The following SMARCAL1 variants were observed in gnomAD, a reference collection of about 807,000 sequenced individuals.
The protein encoded by SMARCAL1 is SNF2 related chromatin remodeling annealing helicase 1.
In SMARCAL1, 58 loss-of-function variants were observed where a neutral mutation model predicts 94.5. That is an observed-to-expected ratio of 0.61 (90% confidence interval 0.50 to 0.76). The LOEUF (loss-of-function observed/expected upper bound fraction) is 0.76, where lower values mean the gene tolerates loss of function less well. Among genes scored for constraint, SMARCAL1 ranks in the 30% least tolerant of loss-of-function variants. The pLI, the probability that SMARCAL1 is intolerant of heterozygous loss-of-function variation, is 0.00. For missense variants in SMARCAL1, 1,051 were observed against 1,177.9 expected (o/e 0.89, Z 1.58); for synonymous variants, 422 against 455.1 (o/e 0.93, Z 0.93).
rs1694615839 is a variant in SMARCAL1 at position 216,458,270 on chromosome 2, T to A, written c.2071-6327T>A. On this transcript the variant is annotated intron_variant, in intron 12 of 17. Transcript: ENST00000357276. ...TACCAGAGGTACAAGGAGGAACTGGTACCATTCCTTCTGAAACTATTCCAA... is the reference window on the plus strand; with the variant it reads ...TACCAGAGGTACAAGGAGGAACTGGAACCATTCCTTCTGAAACTATTCCAA... Among the ~76,000 whole-genome samples the A allele has an allele frequency of 2.0e-5, 3 of 152,196 alleles. No individual in the cohort carries two copies. The South Asian group carries it at 6.2e-4, about 32-fold the overall frequency.
intron 14 of SMARCAL1, among the ~76,000 whole-genome samples, chr2:216,469,050 C>G (rs954527431): frequency 6.6e-6 from 1 of 151,784 alleles, no homozygotes; most frequent in Non-Finnish European, 1.5e-5. Flanking sequence ...TACTTAGGTC[C>G]CCTCAGTATT....
At chr2:216,454,242 TAG>T (rs1423233508) in intron 12 of SMARCAL1, among the ~76,000 whole-genome samples, 1 of 152,240 alleles carries the variant, frequency 6.6e-6, no homozygotes, top group Admixed American at 6.5e-5. Context: ...AGATCATTAA[TAG>T]AGAGTATTAG....
At chr2:216,416,068 A>G in intron 3 of SMARCAL1, 189 bp from the exon 4 acceptor site, 2 of 580,304 alleles carry the variant, frequency 3.4e-6, no homozygotes, top group South Asian at 3.5e-5. Flanking sequence ...GTTGGATTCC[A>G]CTACATGGAA....
At chr2:216,473,246 T>C (rs948733031) in intron 14 of SMARCAL1, among the ~76,000 whole-genome samples, 5 of 151,992 alleles carry the variant, frequency 3.3e-5, no homozygotes, top group Non-Finnish European at 7.4e-5. Context: ...TATATAAATA[T>C]GGAATATAAT....
intron 5 of SMARCAL1, among the ~76,000 whole-genome samples, chr2:216,420,760 C>G (rs1045381608): frequency 1.3e-5 from 2 of 152,122 alleles, no homozygotes; most frequent in Non-Finnish European, 2.9e-5. Context: ...CATAATATCC[C>G]CCTGGTCAAT....
chr2:216,448,516 C>T (rs1398514897), intron 11 of SMARCAL1, among the ~76,000 whole-genome samples: 1 of 152,196 alleles, frequency 6.6e-6, no homozygotes, highest in Non-Finnish European at 1.5e-5. Context: ...AAGGCATTAT[C>T]TTTGAATTCT....
At position 216,435,428 on chromosome 2, in the gene SMARCAL1, A is replaced by C; in HGVS notation, c.1576A>C (p.Ile526Leu). Residue 526 changes from isoleucine to leucine, a missense_variant, in exon 9 of 18, where the codon ATT (isoleucine) becomes CTT (leucine). Physicochemically the swap from Ile to Leu is conservative, Grantham distance 5. Transcript: ENST00000357276. ...KDRLTAGLIN[I>L]VSFDLLSKLE... ...CCGCCTGACAGCTGGCCTGATCAAC[A>C]TTGTCAGCTTTGACCTTCTTAGCAA... is the stretch of plus-strand genomic sequence containing the variant. The C allele has an allele frequency of 6.2e-7, 1 of 1,614,166 alleles. No homozygotes were observed. The highest frequency in any genetic ancestry group is 1.1e-5 in the South Asian group (1 of 91,078).
At chr2:216,480,291 G>A (rs1290214109) in intron 17 of SMARCAL1, among the ~76,000 whole-genome samples, 1 of 152,128 alleles carries the variant, frequency 6.6e-6, no homozygotes, top group Admixed American at 6.5e-5. Context: ...TCCAATATAG[G>A]AGACAAAAGC....
At chr2:216,448,940 G>A (rs534594573) in intron 11 of SMARCAL1, among the ~76,000 whole-genome samples, 2 of 152,330 alleles carry the variant, frequency 1.3e-5, no homozygotes, top group South Asian at 4.1e-4. Flanking sequence ...CATGCTATCT[G>A]TCTTAGTCTG....
chr2:216,463,414 C>A (rs61528336), intron 12 of SMARCAL1, among the ~76,000 whole-genome samples: 2 of 152,156 alleles, frequency 1.3e-5, no homozygotes, highest in East Asian at 3.9e-4. Flanking sequence ...TCAAAGAGGG[C>A]GGAAGGAACA....
intron 11 of SMARCAL1, among the ~76,000 whole-genome samples, chr2:216,450,355 T>C (rs1296960448): frequency 6.6e-6 from 1 of 152,236 alleles, no homozygotes; most frequent in East Asian, 1.9e-4. Context: ...TTGTACTTGT[T>C]TGTGCTGGTG....
chr2:216,435,476 C>G lies in SMARCAL1; in HGVS notation c.1624C>G (p.Pro542Ala). The G allele has an allele frequency of 6.2e-7, 1 of 1,614,088 alleles. No homozygotes were observed. Among genetic ancestry groups the G allele is most frequent in the Non-Finnish European group, 8.5e-7 (1 of 1,179,978 alleles). ...CAAGTTGGAAAAACAGCTAAAAACC[C>G]CTTTTAAAGTTGTCATCATTGTAAG... The part of the protein sequence containing the change: ...LSKLEKQLKT[P>A]FKVVIIDESH... Residue 542 changes from proline (P) to alanine (A), a missense_variant, in exon 9 of 18, where the codon CCT becomes GCT. Coordinates refer to ENST00000357276, the MANE Select transcript of SMARCAL1 (RefSeq NM_014140.4).
intron 13 of SMARCAL1, among the ~76,000 whole-genome samples, chr2:216,466,830 A>C (rs768493602): frequency 2.0e-5 from 3 of 152,214 alleles, no homozygotes; most frequent in Non-Finnish European, 4.4e-5. Flanking sequence ...TATTAGTATC[A>C]ACAATTCACA....
At chr2:216,444,879 T>G (rs1694272649) in intron 10 of SMARCAL1, among the ~76,000 whole-genome samples, 1 of 152,236 alleles carries the variant, frequency 6.6e-6, no homozygotes. Context: ...GAATTCTCTG[T>G]GGCGAATTAT....
chr2:216,437,164 A>G (rs1449059039), intron 9 of SMARCAL1, among the ~76,000 whole-genome samples: 5 of 152,236 alleles, frequency 3.3e-5, no homozygotes, highest in African/African-American at 1.2e-4. Context: ...GATTTGTTCC[A>G]GTATTGGCAC....
intron 4 of SMARCAL1, among the ~76,000 whole-genome samples, chr2:216,420,036 AAAAAAAAAAAAGAAAAAAAAAAAAG>A (rs1693681103): frequency 6.7e-6 from 1 of 148,532 alleles, no homozygotes; most frequent in Non-Finnish European, 1.5e-5. Context: ...CTCAAAAAAA[AAAAAAAAAAAAGAAAAAAAAAAAAG>A]AAAAACTTAC....
chr2:216,460,089 T>C (rs968842162), intron 12 of SMARCAL1, among the ~76,000 whole-genome samples: 1 of 152,170 alleles, frequency 6.6e-6, no homozygotes, highest in African/African-American at 2.4e-5. Context: ...GAAAAAATGC[T>C]CATCATCACT....
intron 12 of SMARCAL1, among the ~76,000 whole-genome samples, chr2:216,459,996 A>G (rs1180361143): frequency 3.3e-5 from 5 of 152,224 alleles, no homozygotes; most frequent in Admixed American, 1.3e-4. Context: ...CAAGAAAAAA[A>G]CGAACAACCC....
chr2:216,415,271 G>A lies in SMARCAL1; in HGVS notation c.567G>A (p.Lys189=). ...CTGGACAGCCTCCCAGGGATGCTAA[G>A]TTAGAGGCCAAGACAGCAAAAGCCT... is the stretch of plus-strand genomic sequence containing the variant. The part of the protein sequence containing the change: ...HSSGQPPRDA[K]LEAKTAKASP... The change falls in exon 3 of 18, where the codon AAG becomes AAA. Residue 189 remains lysine (K), a synonymous_variant. Coordinates refer to ENST00000357276, the MANE Select transcript of SMARCAL1 (RefSeq NM_014140.4). The A allele has an allele frequency of 3.1e-6, 5 of 1,614,266 alleles. No individual in the cohort carries two copies. Among genetic ancestry groups the A allele is most frequent in the Non-Finnish European group, 4.2e-6 (5 of 1,180,042 alleles).
Sources: gnomAD v4.1 joint callset for allele counts (sites outside exome capture counted in the v4.1 genomes callset) on GRCh38, gnomAD v4.1.1 for gene constraint, MANE v1.5 for transcripts, NCBI Gene and HGNC (gene_info 2026-07-23, HGNC 2026-07-21) for gene names.